TTC28: variants seen among roughly 807,000 people sequenced by gnomAD.
TTC28 encodes the protein tetratricopeptide repeat domain 28, also known as tetratricopeptide repeat protein 28.
A neutral mutation model predicts 198.0 loss-of-function variants in TTC28; 61 were observed. The ratio of observed to expected loss-of-function variants is 0.31; its 90% confidence interval spans 0.25 to 0.38. TTC28 has a LOEUF of 0.38. Ranked by LOEUF, TTC28 falls within the 10% of genes least tolerant of loss-of-function variation. The pLI is 1.00. For synonymous variants in TTC28, 1,171 were observed against 1,297.8 expected (o/e 0.90, Z 2.10); for missense variants, 2,678 against 3,164.0 (o/e 0.85, Z 3.69).
At chr22:28,673,559 T>C (rs2051925375) in intron 1 of TTC28, among the ~76,000 whole-genome samples, 1 of 152,184 alleles carries the variant, frequency 6.6e-6, no homozygotes, top group Non-Finnish European at 1.5e-5. Context: ...TCAACATTCT[T>C]TGCACTCACA....
chr22:28,632,927 A>G (rs1410049437), intron 1 of TTC28, among the ~76,000 whole-genome samples: 4 of 151,788 alleles, frequency 2.6e-5, no homozygotes, highest in Non-Finnish European at 5.9e-5. Flanking sequence ...GGAGTTTGAG[A>G]CCAGCCTGGC....
intron 5 of TTC28, among the ~76,000 whole-genome samples, chr22:28,173,560 C>T (rs1362070141): frequency 6.6e-6 from 1 of 152,198 alleles, no homozygotes; most frequent in Non-Finnish European, 1.5e-5. Context: ...TACTCATGTT[C>T]TTGCCAAAAT....
chr22:28,313,254 C>T lies in TTC28; in HGVS notation c.382-6611G>A, dbSNP rs142268068. Among the ~76,000 whole-genome samples the T allele has an allele frequency of 2.1e-3, 320 of 152,242 alleles. 3 individuals are homozygous for T. The highest frequency in any genetic ancestry group is 7.4e-3 in the African/African-American group (308 of 41,556). On this transcript the variant is annotated intron_variant, in intron 2 of 22. Coordinates refer to ENST00000397906, the MANE Select transcript of TTC28 (RefSeq NM_001145418.2). ...CAAACAAAAACAGTCTGGGACCAGA[C>T]AGATTCACAGGCGAATTCTACCAGA...
chr22:28,006,086 G>A (rs1285760947), intron 14 of TTC28, among the ~76,000 whole-genome samples: 1 of 152,204 alleles, frequency 6.6e-6, no homozygotes, highest in Non-Finnish European at 1.5e-5. Flanking sequence ...GAAAGAATAG[G>A]GGGTCTGAGG....
rs1936940723 is a variant in TTC28, at chr22:27,979,293, A to G, written c.*2928T>C. 6.6e-6 allele frequency: 1 copy of G among 152,228 alleles called. No homozygotes were observed. The highest frequency in any genetic ancestry group is 1.5e-5 in the Non-Finnish European group (1 of 68,058). The allele number at this position is 152,228 out of a possible 1,614,324, so 9.4% of individuals were successfully genotyped here. ...TCAGGAGTTCGAGACCAGCCTGGCC[A>G]ACATGGTGAAACCCCATCTCTATTA... On this transcript the variant is annotated 3_prime_UTR_variant, in exon 23 of 23. Transcript: ENST00000397906.
chr22:28,002,556 A>T (rs1937748381), intron 14 of TTC28: 1 of 151,754 alleles, frequency 6.6e-6, no homozygotes, highest in African/African-American at 2.4e-5. Flanking sequence ...AGGCTAACCC[A>T]AAGTGACACA....
At chr22:28,301,379 G>A (rs1035840736) in intron 3 of TTC28, among the ~76,000 whole-genome samples, 4 of 152,150 alleles carry the variant, frequency 2.6e-5, no homozygotes, top group Non-Finnish European at 4.4e-5. Context: ...AACTCCATAA[G>A]AACATAAAGC....
intron 2 of TTC28, among the ~76,000 whole-genome samples, chr22:28,560,020 C>A (rs1467996854): frequency 6.6e-6 from 1 of 152,132 alleles, no homozygotes; most frequent in Non-Finnish European, 1.5e-5. Context: ...AAACAGAACT[C>A]TTGGCTTTGT....
chr22:28,243,376 CA>C (rs1186995877), intron 5 of TTC28, among the ~76,000 whole-genome samples: 1 of 148,336 alleles, frequency 6.7e-6, no homozygotes, highest in African/African-American at 2.5e-5. Context: ...CAAAACAAAA[CA>C]AAACAAAAAA....
intron 3 of TTC28, among the ~76,000 whole-genome samples, chr22:28,301,963 G>C (rs2045036620): frequency 6.6e-6 from 1 of 151,876 alleles, no homozygotes; most frequent in South Asian, 2.1e-4. Context: ...CCTGAGCCCG[G>C]GAAGGTCGAG....
intron 2 of TTC28, among the ~76,000 whole-genome samples, chr22:28,595,642 G>A (rs958734793): frequency 3.9e-5 from 6 of 152,126 alleles, no homozygotes; most frequent in African/African-American, 1.4e-4. Flanking sequence ...GTAATAATAT[G>A]TGACCAGGCG....
chr22:28,023,063 G>T (rs1181847062), intron 13 of TTC28, among the ~76,000 whole-genome samples: 1 of 152,364 alleles, frequency 6.6e-6, no homozygotes, highest in African/African-American at 2.4e-5. Context: ...GGTGGTGCCT[G>T]GCTCCTCTCA....
chr22:28,385,945 A>C (rs978703363), intron 2 of TTC28, among the ~76,000 whole-genome samples: 9 of 152,104 alleles, frequency 5.9e-5, no homozygotes, highest in African/African-American at 2.2e-4. Flanking sequence ...AAATCTTCCA[A>C]ACTTTCTAAG....
intron 2 of TTC28, among the ~76,000 whole-genome samples, chr22:28,571,920 G>A (rs935442839): frequency 1.8e-4 from 26 of 147,964 alleles, no homozygotes; most frequent in African/African-American, 5.0e-4. Flanking sequence ...TTGCACTCCA[G>A]CCTGGGCAAC....
intron 5 of TTC28, among the ~76,000 whole-genome samples, chr22:28,236,508 C>T (rs1021355536): frequency 2.6e-5 from 4 of 152,072 alleles, no homozygotes; most frequent in Non-Finnish European, 5.9e-5. Flanking sequence ...ATAAATAGGA[C>T]ACTGGTAATA....
At chr22:27,990,842 A>G (rs1937375123) in intron 19 of TTC28, 30 bp from the exon 20 acceptor site, 1 of 1,543,734 alleles carries the variant, frequency 6.5e-7, no homozygotes, top group African/African-American at 1.4e-5. Flanking sequence ...AGAAAAAGAA[A>G]GAAAGAGAGA....
chr22:28,529,546 T>G (rs1462065567), intron 2 of TTC28, among the ~76,000 whole-genome samples: 1 of 152,144 alleles, frequency 6.6e-6, no homozygotes, highest in African/African-American at 2.4e-5. Flanking sequence ...TCTGACAGCT[T>G]TGAAGAGTGT....
chr22:28,536,440 C>T (rs1412730494), intron 2 of TTC28, among the ~76,000 whole-genome samples: 3 of 150,730 alleles, frequency 2.0e-5, no homozygotes, highest in Admixed American at 6.6e-5. Flanking sequence ...CTGGCTAACA[C>T]GGTGAAACCC....
At chr22:28,053,645 T>A (rs1249234501) in intron 12 of TTC28, among the ~76,000 whole-genome samples, 1 of 152,214 alleles carries the variant, frequency 6.6e-6, no homozygotes, top group South Asian at 2.1e-4. Context: ...CTGTACCCTT[T>A]CCTTGTTTAA....
Sources: allele counts gnomAD v4.1 joint callset (sites outside exome capture counted in the v4.1 genomes callset), GRCh38; gene constraint gnomAD v4.1.1; transcripts MANE v1.5; gene names NCBI Gene and HGNC (gene_info 2026-07-23, HGNC 2026-07-21).